Variants in NCS1 observed in about 807,000 individuals in gnomAD.
NCS1 encodes the protein frequenin homolog.
Under a neutral mutation model 28.4 loss-of-function variants are expected in NCS1, and 6 were observed. The observed-to-expected ratio is 0.21, with a 90% CI of 0.12 to 0.42. The LOEUF (loss-of-function observed/expected upper bound fraction) is 0.42, where lower values mean the gene tolerates loss of function less well. Ranked by LOEUF, NCS1 falls within the 10% of genes least tolerant of loss-of-function variation. NCS1 has a pLI of 1.00. For missense variants in NCS1, 131 were observed against 241.4 expected (o/e 0.54, Z 3.03); for synonymous variants, 86 against 99.3 (o/e 0.87, Z 0.79).
At chr9:130,185,744 G>A (rs1832728755) in intron 1 of NCS1, among the ~76,000 whole-genome samples, 1 of 152,244 alleles carries the variant, frequency 6.6e-6, no homozygotes. Flanking sequence ...GGCAGAGGAG[G>A]AGCTTGAGAG....
In NCS1 at chr9:130,182,015, A is replaced by G. The variant is rs576938033; in HGVS notation, c.64+9288A>G. On this transcript the variant is annotated intron_variant, in intron 1 of 7. Coordinates refer to ENST00000372398, the MANE Select transcript of NCS1 (RefSeq NM_014286.4). The stretch of plus-strand genomic sequence containing the variant: ...CAGCTGCCAGGTCTGGAACCAGGTG[A>G]TAAGCTGCCACTCCCCAAGGCAGTA... Among the ~76,000 whole-genome samples, 3 of 152,112 alleles carry G rather than the reference A, an allele frequency of 2.0e-5. No individual in the cohort carries two copies. In the East Asian group the frequency reaches 5.8e-4, roughly 29 times the overall value.
Position 130,219,626 on chromosome 9 carries a change from G to T in NCS1, c.229-99G>T, listed in dbSNP as rs1833245838. The T allele has an allele frequency of 2.7e-6, 3 of 1,097,728 alleles. No individual in the cohort carries two copies. In the Admixed American group the frequency reaches 5.7e-5, roughly 21 times the overall value. 68.0% of individuals were successfully genotyped at this position (1,097,728 alleles called of 1,614,324 possible). A position where few individuals can be genotyped will look rare whatever the true frequency, so the allele number is the denominator to read the frequency against. ...CACCTGAGTGTCCATTGGCCACAGT[G>T]TCTGGAGCCTGCGACTGCCCCTCGC... is the stretch of plus-strand genomic sequence containing the variant. On this transcript the variant is annotated intron_variant, in intron 3 of 7. Transcript: ENST00000372398. This position sits in a 1 kb window ranked among gnomAD's most constrained non-coding sequence, Gnocchi z 5.7.
In NCS1 at chr9:130,232,185, G is replaced by A. The variant is rs797027053; in HGVS notation, c.*18-805G>A. On this transcript the variant is annotated intron_variant, in intron 7 of 7. Coordinates refer to ENST00000372398, the MANE Select transcript of NCS1 (RefSeq NM_014286.4). This position sits in a 1 kb window ranked among gnomAD's most constrained non-coding sequence, Gnocchi z 4.4. ...TGGTCTTGAACTCCTGGCCTCAAGCGATCCTCCTGCCTTGGCCTCCCAAAG... is the reference window on the plus strand; with the variant it reads ...TGGTCTTGAACTCCTGGCCTCAAGCAATCCTCCTGCCTTGGCCTCCCAAAG... Among the ~76,000 whole-genome samples, 5 of 152,226 alleles carry A rather than the reference G, an allele frequency of 3.3e-5. No individual in the cohort carries two copies. Among genetic ancestry groups the A allele is most frequent in the African/African-American group, 7.2e-5 (3 of 41,546 alleles).
At chr9:130,178,044 A>G (rs914735120) in intron 1 of NCS1, among the ~76,000 whole-genome samples, 13 of 152,118 alleles carry the variant, frequency 8.5e-5, no homozygotes, top group African/African-American at 2.4e-4. Context: ...TTTTATTTCT[A>G]TAGAGATGGG....
chr9:130,205,306 A>G (rs1485735694), intron 2 of NCS1, among the ~76,000 whole-genome samples: 3 of 151,954 alleles, frequency 2.0e-5, no homozygotes, highest in Non-Finnish European at 2.9e-5. Context: ...GGCGGTGTGG[A>G]GGCTCCCGCA....
At chr9:130,184,917 T>C (rs1369826185) in intron 1 of NCS1, among the ~76,000 whole-genome samples, 3 of 151,670 alleles carry the variant, frequency 2.0e-5, no homozygotes, top group African/African-American at 7.3e-5. Context: ...TGAGCTGAGA[T>C]TGCGCCACTG....
chr9:130,210,568 G>A (rs1554908641), intron 2 of NCS1, among the ~76,000 whole-genome samples: 1 of 152,028 alleles, frequency 6.6e-6, no homozygotes, highest in African/African-American at 2.4e-5. Context: ...GTAGATCAGG[G>A]CTTGGGGCAT....
In NCS1 at chr9:130,234,179, ACTCT is replaced by A. The variant is rs1374597847; in HGVS notation, c.*1211_*1214del. 1 of 150,950 alleles carries A rather than the reference ACTCT, an allele frequency of 6.6e-6. No individual in the cohort carries two copies. 9.4% of individuals were successfully genotyped at this position (150,950 alleles called of 1,614,324 possible). A position where few individuals can be genotyped will look rare whatever the true frequency, so the allele number is the denominator to read the frequency against. On this transcript the variant is annotated 3_prime_UTR_variant, in exon 8 of 8. Coordinates refer to ENST00000372398, the MANE Select transcript of NCS1 (RefSeq NM_014286.4). This position sits in a 1 kb window ranked among gnomAD's most constrained non-coding sequence, Gnocchi z 6.1. ...GGAGGGGATTTCAAGATAGTTCATG[ACTCT>A]CTCCCGCTCTGCCTTCCCTCCTTCC... is the stretch of plus-strand genomic sequence containing the variant.
At position 130,182,369 on chromosome 9, in the gene NCS1, C is replaced by T. The variant is rs369159976; in HGVS notation, c.64+9642C>T. ...TTCCCTGCCAAGGGGAGGGAGCGCC[C>T]AGTCCCTGGGAGCATCCAAGCCGCT... is the stretch of plus-strand genomic sequence containing the variant. On this transcript the variant is annotated intron_variant, in intron 1 of 7. Coordinates refer to ENST00000372398, the MANE Select transcript of NCS1 (RefSeq NM_014286.4). 8.1e-4 allele frequency among the ~76,000 whole-genome samples: 123 copies of T among 152,312 alleles called. No individual in the cohort carries two copies. In the East Asian group the frequency reaches 0.019, roughly 23 times the overall value.
chr9:130,212,724 G>T (rs1234976908), intron 2 of NCS1, among the ~76,000 whole-genome samples: 2 of 151,756 alleles, frequency 1.3e-5, no homozygotes, highest in African/African-American at 4.8e-5. Flanking sequence ...AGGAGTGGGG[G>T]ATGGAGTCAC....
intron 1 of NCS1, among the ~76,000 whole-genome samples, chr9:130,185,106 C>A (rs1019069183): frequency 6.6e-6 from 1 of 152,214 alleles, no homozygotes; most frequent in Non-Finnish European, 1.5e-5. Context: ...CTCGTCCACA[C>A]TCGCATCAAA....
chr9:130,187,739 G>A (rs1832758091), intron 1 of NCS1, among the ~76,000 whole-genome samples: 1 of 152,184 alleles, frequency 6.6e-6, no homozygotes, highest in Non-Finnish European at 1.5e-5. Flanking sequence ...CACCTTCCCT[G>A]GGGTCTCTCT....
At chr9:130,212,128 C>T (rs1452173269) in intron 2 of NCS1, among the ~76,000 whole-genome samples, 3 of 152,152 alleles carry the variant, frequency 2.0e-5, no homozygotes, top group Non-Finnish European at 4.4e-5. Context: ...CGGGATTGGC[C>T]TCACCTTCTG....
Position 130,213,250 on chromosome 9 carries a change from G to C in NCS1, c.90-4582G>C, listed in dbSNP as rs1177273352. ...GGCCAGTCTTCTCCATACACAGAGGGTGGGAGCACATCACTGGTTTTCTTT... is the reference window on the plus strand; with the variant it reads ...GGCCAGTCTTCTCCATACACAGAGGCTGGGAGCACATCACTGGTTTTCTTT... On this transcript the variant is annotated intron_variant, in intron 2 of 7. Transcript: ENST00000372398. Among the ~76,000 whole-genome samples the C allele has an allele frequency of 2.0e-5, 3 of 152,154 alleles. 1 individual carries two copies. Among genetic ancestry groups the C allele is most frequent in the African/African-American group, 7.2e-5 (3 of 41,426 alleles).
At chr9:130,217,339 G>C (rs1225378653) in intron 2 of NCS1, among the ~76,000 whole-genome samples, 1 of 152,226 alleles carries the variant, frequency 6.6e-6, no homozygotes, top group Non-Finnish European at 1.5e-5. Context: ...GAGGGGCAGG[G>C]TGTGGGCATG....
intron 1 of NCS1, among the ~76,000 whole-genome samples, chr9:130,195,434 T>A (rs1361531458): frequency 2.0e-5 from 3 of 149,312 alleles, no homozygotes; most frequent in African/African-American, 7.6e-5. Flanking sequence ...AGCTGGGCTT[T>A]GTTTTTTTTT....
intron 1 of NCS1, among the ~76,000 whole-genome samples, chr9:130,187,303 G>A (rs1445000893): frequency 6.6e-6 from 1 of 152,138 alleles, no homozygotes; most frequent in Non-Finnish European, 1.5e-5. Flanking sequence ...TGCCATCCCT[G>A]GGTCCTCCTG....
intron 2 of NCS1, among the ~76,000 whole-genome samples, chr9:130,208,667 G>A (rs1437915428): frequency 1.3e-5 from 2 of 152,200 alleles, no homozygotes; most frequent in African/African-American, 4.8e-5. Flanking sequence ...TTCTGTCCTC[G>A]CATCAACACG....
chr9:130,228,846 T>C (rs1346001307), intron 7 of NCS1, among the ~76,000 whole-genome samples: 1 of 151,648 alleles, frequency 6.6e-6, no homozygotes. Context: ...ATTTTTCCAT[T>C]TTTAGTAAAG....
Sources: gnomAD v4.1 joint callset for allele counts (sites outside exome capture counted in the v4.1 genomes callset) on GRCh38, gnomAD v4.1.1 for gene constraint, Gnocchi (gnomAD v3.1) non-coding constraint, MANE v1.5 for transcripts, NCBI Gene and HGNC (gene_info 2026-07-23, HGNC 2026-07-21) for gene names.